Variants in DLGAP2 observed in about 807,000 individuals in gnomAD.
DLGAP2 encodes DLG associated protein 2.
A neutral mutation model predicts 100.3 loss-of-function variants in DLGAP2; 26 were observed. The observed-to-expected ratio is 0.26, with a 90% CI of 0.19 to 0.36. The LOEUF is 0.36. Ranked by LOEUF, DLGAP2 falls within the 10% of genes least tolerant of loss-of-function variation. The pLI is 1.00. For synonymous variants in DLGAP2, 886 were observed against 630.1 expected, an observed-to-expected ratio of 1.41 and a Z score of -6.08; for missense variants, 1,858 against 1,453.2, an observed-to-expected ratio of 1.28 and a Z score of -4.53.
At chr8:1,151,228 A>G (rs1796691489) in intron 2 of DLGAP2, among the ~76,000 whole-genome samples, 1 of 152,212 alleles carries the variant, frequency 6.6e-6, no homozygotes, top group Admixed American at 6.5e-5. Context: ...GAGTCTGCCA[A>G]TTAAACTGAC....
At chr8:1,206,048 G>C (rs542597715) in intron 2 of DLGAP2, among the ~76,000 whole-genome samples, 1 of 152,166 alleles carries the variant, frequency 6.6e-6, no homozygotes, top group Non-Finnish European at 1.5e-5. Context: ...AGGAAGTTCA[G>C]GGAGCCATCT....
At chr8:937,084 TGTG>T (rs918634963) in intron 2 of DLGAP2, among the ~76,000 whole-genome samples, 1 of 152,210 alleles carries the variant, frequency 6.6e-6, no homozygotes, top group African/African-American at 2.4e-5. Flanking sequence ...TCTACAGACA[TGTG>T]GTGCCCTTCA....
At chr8:932,382 T>G (rs567988726) in intron 2 of DLGAP2, among the ~76,000 whole-genome samples, 1 of 152,368 alleles carries the variant, frequency 6.6e-6, no homozygotes, top group East Asian at 1.9e-4. Flanking sequence ...GGAAAAATTC[T>G]CACTAGAGAT....
At chr8:748,195 TG>T (rs1305607027) in intron 1 of DLGAP2, among the ~76,000 whole-genome samples, 2 of 34,392 alleles carry the variant, frequency 5.8e-5, no homozygotes, top group Non-Finnish European at 1.1e-4. Context: ...TGCGGTGGGA[TG>T]GGGGGCTCTG....
chr8:1,155,107 C>G (rs1320865237), intron 2 of DLGAP2, among the ~76,000 whole-genome samples: 1 of 152,222 alleles, frequency 6.6e-6, no homozygotes, highest in African/African-American at 2.4e-5. Context: ...GTCTTAAACC[C>G]TGCCTGGGTC....
Position 1,704,660 on chromosome 8 carries a change from G to T in DLGAP2, c.*3254G>T, listed in dbSNP as rs1396994884. On this transcript the variant is annotated 3_prime_UTR_variant, in exon 15 of 15. Transcript: ENST00000637795. Reference sequence around the variant, plus strand: ...AAAAAAATTACAGTTTTGTTTAAAAGGAAATGTTGATGTTTTCAACTCCAA... The same window carrying T: ...AAAAAAATTACAGTTTTGTTTAAAATGAAATGTTGATGTTTTCAACTCCAA... 1 of 152,038 alleles carries T rather than the reference G, an allele frequency of 6.6e-6. No homozygotes were observed. The highest frequency in any genetic ancestry group is 1.5e-5 in the Non-Finnish European group (1 of 67,992). The allele number at this position is 152,038 out of a possible 1,614,324, so 9.4% of individuals were successfully genotyped here.
At chr8:1,113,811 C>A (rs538316037) in intron 2 of DLGAP2, among the ~76,000 whole-genome samples, 1 of 152,142 alleles carries the variant, frequency 6.6e-6, no homozygotes, top group African/African-American at 2.4e-5. Context: ...TTTACCTATG[C>A]AGTATGATGC....
At chr8:1,375,159 A>C (rs1585313170) in intron 3 of DLGAP2, among the ~76,000 whole-genome samples, 1 of 103,010 alleles carries the variant, frequency 9.7e-6, no homozygotes. Context: ...CTGATCCCCC[A>C]CCTCCTACAT....
chr8:804,376 A>T (rs1210580358), intron 1 of DLGAP2, among the ~76,000 whole-genome samples: 1 of 152,224 alleles, frequency 6.6e-6, no homozygotes, highest in African/African-American at 2.4e-5. Context: ...TTTGGGGTCC[A>T]CACATATCCC....
At chr8:973,518 C>T (rs1240381557) in intron 2 of DLGAP2, among the ~76,000 whole-genome samples, 7 of 152,278 alleles carry the variant, frequency 4.6e-5, no homozygotes, top group South Asian at 4.1e-4. Context: ...AGACGATGGG[C>T]GGCCGGGCAG....
intron 2 of DLGAP2, among the ~76,000 whole-genome samples, chr8:958,383 A>G (rs566971932): frequency 5.9e-5 from 9 of 152,144 alleles, no homozygotes; most frequent in Non-Finnish European, 1.2e-4. Flanking sequence ...TGCAGGTCCC[A>G]GTCTTCCCCT....
At position 766,098 on chromosome 8, in the gene DLGAP2, C is replaced by T. The variant is rs143203001; in HGVS notation, c.18+28273C>T. Among the ~76,000 whole-genome samples, 319 of 152,196 alleles carry T rather than the reference C, an allele frequency of 2.1e-3. 1 individual carries two copies. Among genetic ancestry groups the T allele is most frequent in the African/African-American group, 7.2e-3 (301 of 41,538 alleles). On this transcript the variant is annotated intron_variant, in intron 1 of 14. Coordinates refer to ENST00000637795, the MANE Select transcript of DLGAP2 (RefSeq NM_001346810.2). Reference sequence around the variant, plus strand: ...AGGAGAATTGCTTGAACCCGGGAAGCGGAGGTTGTAGTGAGTCGAGATTGT... The same window carrying T: ...AGGAGAATTGCTTGAACCCGGGAAGTGGAGGTTGTAGTGAGTCGAGATTGT...
At chr8:1,362,020 A>G (rs1044393034) in intron 3 of DLGAP2, among the ~76,000 whole-genome samples, 15 of 152,182 alleles carry the variant, frequency 9.9e-5, no homozygotes, top group Non-Finnish European at 2.1e-4. Context: ...CTTCCGTGCT[A>G]CGGTGGCAAG....
chr8:738,994 A>ACGC (rs142461927), intron 1 of DLGAP2: 76 of 155,500 alleles, frequency 4.9e-4, no homozygotes, highest in African/African-American at 6.5e-4. Context: ...CCCCTGCGCG[A>ACGC]CGCCGCCGCC....
intron 2 of DLGAP2, among the ~76,000 whole-genome samples, chr8:960,535 C>G (rs1410378506): frequency 1.3e-5 from 2 of 152,020 alleles, no homozygotes; most frequent in African/African-American, 4.8e-5. Flanking sequence ...ACTCCCGGCC[C>G]TGAATTGTAT....
chr8:1,213,908 G>C (rs991652068), intron 2 of DLGAP2, among the ~76,000 whole-genome samples: 1 of 152,144 alleles, frequency 6.6e-6, no homozygotes, highest in East Asian at 1.9e-4. Flanking sequence ...CACTCCTTTT[G>C]CTGGCCCAGT....
chr8:1,483,589 GAACGT>G (rs1563175875), intron 3 of DLGAP2, among the ~76,000 whole-genome samples: 8 of 139,226 alleles, frequency 5.7e-5, no homozygotes, highest in East Asian at 2.0e-4. Context: ...GGCAGGCGCA[GAACGT>G]GAGGACAAGG....
chr8:1,094,754 C>A (rs1488134191), intron 2 of DLGAP2, among the ~76,000 whole-genome samples: 1 of 152,256 alleles, frequency 6.6e-6, no homozygotes, highest in Non-Finnish European at 1.5e-5. Context: ...CTGGACCCAG[C>A]CGCAGGTTCT....
At chr8:1,577,705 T>C (rs1242273704) in intron 6 of DLGAP2, among the ~76,000 whole-genome samples, 1 of 151,262 alleles carries the variant, frequency 6.6e-6, no homozygotes, top group Non-Finnish European at 1.5e-5. Context: ...CAGGGACAGG[T>C]GTCAAGAGCA....
Sources: allele counts gnomAD v4.1 joint callset (sites outside exome capture counted in the v4.1 genomes callset), GRCh38; gene constraint gnomAD v4.1.1; transcripts MANE v1.5; gene names NCBI Gene and HGNC (gene_info 2026-07-23, HGNC 2026-07-21).